Variants in STAG1 observed in about 807,000 individuals in gnomAD.
STAG1 encodes the protein STAG1 cohesin complex component.
Under a neutral mutation model 170.9 loss-of-function variants are expected in STAG1, and 26 were observed. That is an observed-to-expected ratio of 0.15 (90% CI 0.11 to 0.21). STAG1 has a LOEUF of 0.21. Among genes scored for constraint, STAG1 ranks in the 10% least tolerant of loss-of-function variants. The pLI, the probability that STAG1 is intolerant of heterozygous loss-of-function variation, is 1.00. For synonymous variants in STAG1, 514 were observed against 497.7 expected, an observed-to-expected ratio of 1.03 and a Z score of -0.44; for missense variants, 964 against 1,509.5, an observed-to-expected ratio of 0.64 and a Z score of 5.99.
intron 1 of STAG1, among the ~76,000 whole-genome samples, chr3:136,685,435 CTAAACA>C (rs1402637590): frequency 6.6e-6 from 1 of 152,132 alleles, no homozygotes; most frequent in East Asian, 1.9e-4. Context: ...TCTTACAAAA[CTAAACA>C]TATTCTTTTC....
At chr3:136,434,757 T>C (rs1341011858) in intron 15 of STAG1, among the ~76,000 whole-genome samples, 1 of 152,230 alleles carries the variant, frequency 6.6e-6, no homozygotes, top group Non-Finnish European at 1.5e-5. Context: ...TAATATGTTC[T>C]TCATTTTCTT....
chr3:136,473,287 A>G (rs886374311), intron 11 of STAG1, among the ~76,000 whole-genome samples: 2 of 152,122 alleles, frequency 1.3e-5, no homozygotes, highest in African/African-American at 2.4e-5. Context: ...TTACAATGTA[A>G]TAACAACAGA....
chr3:136,341,296 C>CG lies in STAG1; in HGVS notation c.3557+144_3557+145insC, dbSNP rs1935960185. On this transcript the variant is annotated intron_variant, in intron 31 of 33. Transcript: ENST00000383202. Reference sequence around the variant, plus strand: ...AAATGCTGAAAGTGTTAAGAACTCACACCCTCCTTTCCTATGCTGCATAGC... The same window carrying CG: ...AAATGCTGAAAGTGTTAAGAACTCACGACCCTCCTTTCCTATGCTGCATAGC... The CG allele has an allele frequency of 5.2e-6, 3 of 581,230 alleles. No individual in the cohort carries two copies. In the African/African-American group the frequency reaches 5.7e-5, roughly 11 times the overall value. The allele number at this position is 581,230 out of a possible 1,614,324, so 36.0% of individuals were successfully genotyped here.
At chr3:136,411,929 A>G (rs891188797) in intron 21 of STAG1, among the ~76,000 whole-genome samples, 4 of 150,686 alleles carry the variant, frequency 2.7e-5, no homozygotes, top group Non-Finnish European at 4.4e-5. Context: ...TTGGGATTAC[A>G]GGCATGGACC....
intron 22 of STAG1, among the ~76,000 whole-genome samples, chr3:136,396,188 C>T (rs1007377867): frequency 1.3e-5 from 2 of 151,114 alleles, no homozygotes; most frequent in African/African-American, 2.4e-5. Flanking sequence ...AGGCGTGAGC[C>T]GCCAGGCCCA....
chr3:136,728,613 C>G (rs1559976566), intron 1 of STAG1, among the ~76,000 whole-genome samples: 1 of 152,216 alleles, frequency 6.6e-6, no homozygotes, highest in East Asian at 1.9e-4. Context: ...CTAACACATA[C>G]TGTTAACTAT....
At chr3:136,674,132 AGGG>A (rs1942057866) in intron 1 of STAG1, among the ~76,000 whole-genome samples, 2 of 65,544 alleles carry the variant, frequency 3.1e-5, no homozygotes, top group Non-Finnish European at 5.4e-5. Flanking sequence ...GGAGGGAGGG[AGGG>A]AAGGAAGGAG....
At chr3:136,680,234 C>G (rs969641242) in intron 1 of STAG1, among the ~76,000 whole-genome samples, 1 of 152,174 alleles carries the variant, frequency 6.6e-6, no homozygotes, top group African/African-American at 2.4e-5. Flanking sequence ...GCACTCCAAC[C>G]TGGGCATCAG....
At chr3:136,663,196 A>G (rs1941636160) in intron 1 of STAG1, among the ~76,000 whole-genome samples, 2 of 152,184 alleles carry the variant, frequency 1.3e-5, no homozygotes, top group African/African-American at 4.8e-5. Flanking sequence ...AAGGATATAT[A>G]TGTATGGATG....
At chr3:136,420,977 G>T (rs2087937552) in intron 20 of STAG1, 116 bp downstream of exon 20, 2 of 558,118 alleles carry the variant, frequency 3.6e-6, no homozygotes, top group Non-Finnish European at 6.2e-6. Flanking sequence ...ACAGGGTTTC[G>T]CCAGGCTGGT....
chr3:136,669,793 T>C (rs73230027), intron 1 of STAG1, among the ~76,000 whole-genome samples: 1,821 of 152,338 alleles, frequency 0.012, 21 homozygotes, highest in Non-Finnish European at 0.02. Context: ...TTCAGAGCTA[T>C]ATTGCTGCAG....
At chr3:136,736,403 G>A in intron 1 of STAG1, 2 of 896,364 alleles carry the variant, frequency 2.2e-6, no homozygotes, top group Admixed American at 3.7e-5. Flanking sequence ...ACTACTCTAT[G>A]TTGGGGTGGA....
intron 13 of STAG1, among the ~76,000 whole-genome samples, chr3:136,452,458 G>C (rs550860909): frequency 6.2e-4 from 94 of 151,954 alleles, no homozygotes; most frequent in African/African-American, 2.1e-3. Context: ...CAGCTACTTG[G>C]GAGGCTGAGG....
At chr3:136,445,563 T>G (rs943077025) in intron 14 of STAG1, among the ~76,000 whole-genome samples, 37 of 152,180 alleles carry the variant, frequency 2.4e-4, no homozygotes, top group Non-Finnish European at 2.5e-4. Flanking sequence ...GCAATATAAA[T>G]GTACTTAATG....
chr3:136,426,368 C>T (rs1267467326), intron 16 of STAG1, among the ~76,000 whole-genome samples: 2 of 152,196 alleles, frequency 1.3e-5, no homozygotes, highest in East Asian at 1.9e-4. Flanking sequence ...GCCGAGATCG[C>T]GCCACTGCAC....
chr3:136,460,282 A>G (rs146170255), intron 13 of STAG1, among the ~76,000 whole-genome samples: 13 of 152,336 alleles, frequency 8.5e-5, no homozygotes, highest in African/African-American at 3.1e-4. Flanking sequence ...TTGGACACAT[A>G]CAACCTAACA....
chr3:136,718,651 G>A (rs888740828), intron 1 of STAG1, among the ~76,000 whole-genome samples: 6 of 152,166 alleles, frequency 3.9e-5, no homozygotes, highest in Non-Finnish European at 8.8e-5. Flanking sequence ...GTGGCCAGGC[G>A]TGGTGGCTCA....
intron 6 of STAG1, among the ~76,000 whole-genome samples, chr3:136,534,028 A>C (rs908156941): frequency 2.6e-5 from 4 of 152,240 alleles, no homozygotes; most frequent in African/African-American, 9.6e-5. Context: ...TATATTCGCC[A>C]ACAGAACAAA....
chr3:136,703,787 A>G (rs559831965), intron 1 of STAG1, among the ~76,000 whole-genome samples: 1 of 152,174 alleles, frequency 6.6e-6, no homozygotes, highest in Admixed American at 6.5e-5. Context: ...AAGCAGGTGG[A>G]TCACCTGAGG....
Sources: gnomAD v4.1 joint callset for allele counts (sites outside exome capture counted in the v4.1 genomes callset) on GRCh38, gnomAD v4.1.1 for gene constraint, MANE v1.5 for transcripts, NCBI Gene and HGNC (gene_info 2026-07-23, HGNC 2026-07-21) for gene names.